FAF1: variants seen among roughly 807,000 people sequenced by gnomAD.
FAF1 encodes FAS-associated factor 1.
In FAF1, 25 loss-of-function variants were observed where a neutral mutation model predicts 92.5. The observed-to-expected ratio is 0.27, with a 90% CI of 0.20 to 0.38. FAF1 has a LOEUF of 0.38. FAF1 is among the 10% of genes least tolerant of loss of function. The pLI is 1.00. For synonymous variants in FAF1, 234 were observed against 273.2 expected, an observed-to-expected ratio of 0.86 and a Z score of 1.42; for missense variants, 636 against 793.3, an observed-to-expected ratio of 0.80 and a Z score of 2.38.
chr1:50,644,523 T>C (rs1443084430), intron 8 of FAF1, among the ~76,000 whole-genome samples: 1 of 152,236 alleles, frequency 6.6e-6, no homozygotes, highest in Non-Finnish European at 1.5e-5. Context: ...TCTCTGCTGG[T>C]AGTCTGCTTT....
At chr1:50,559,894 G>A (rs1282583998) in intron 13 of FAF1, among the ~76,000 whole-genome samples, 2 of 152,174 alleles carry the variant, frequency 1.3e-5, no homozygotes, top group African/African-American at 4.8e-5. Flanking sequence ...GTACTGGAAG[G>A]AAAATGTTGC....
intron 6 of FAF1, among the ~76,000 whole-genome samples, chr1:50,722,604 G>A (rs535430822): frequency 1.1e-4 from 16 of 146,878 alleles, no homozygotes; most frequent in Non-Finnish European, 1.8e-4. Flanking sequence ...AGCTGAGATC[G>A]CGCCACTGCA....
chr1:50,535,863 A>T (rs1355163448), intron 14 of FAF1, among the ~76,000 whole-genome samples: 3 of 152,208 alleles, frequency 2.0e-5, no homozygotes, highest in African/African-American at 7.2e-5. Context: ...TTTAATCTGT[A>T]CAACAAATCT....
chr1:50,558,472 T>A (rs776093728), intron 13 of FAF1, among the ~76,000 whole-genome samples: 1 of 152,112 alleles, frequency 6.6e-6, no homozygotes, highest in African/African-American at 2.4e-5. Flanking sequence ...TCAAACTTCA[T>A]CTTGAGACAG....
At chr1:50,547,333 T>C (rs1417995382) in intron 13 of FAF1, among the ~76,000 whole-genome samples, 2 of 152,136 alleles carry the variant, frequency 1.3e-5, no homozygotes, top group East Asian at 3.8e-4. Context: ...AAAAAGCATA[T>C]CTCATCTGCC....
intron 8 of FAF1, among the ~76,000 whole-genome samples, chr1:50,642,311 A>G (rs1392101491): frequency 6.6e-6 from 1 of 151,652 alleles, no homozygotes; most frequent in Admixed American, 6.6e-5. Flanking sequence ...ATGCTTGTTT[A>G]GTGGAAGAAT....
chr1:50,652,554 T>G (rs2124285228), intron 8 of FAF1, among the ~76,000 whole-genome samples: 1 of 152,358 alleles, frequency 6.6e-6, no homozygotes, highest in East Asian at 1.9e-4. Context: ...CTCTATTATC[T>G]TATGTCCCTG....
At chr1:50,517,648 C>G (rs1647268682) in intron 15 of FAF1, among the ~76,000 whole-genome samples, 2 of 152,190 alleles carry the variant, frequency 1.3e-5, no homozygotes, top group South Asian at 4.1e-4. Flanking sequence ...ATTTTGAGAA[C>G]TCCCACACCA....
intron 6 of FAF1, among the ~76,000 whole-genome samples, chr1:50,726,111 C>A (rs1658639324): frequency 6.6e-6 from 1 of 151,920 alleles, no homozygotes; most frequent in Admixed American, 6.6e-5. Flanking sequence ...AAATAGTTAG[C>A]CAGGCACAGT....
rs376339499 is a variant in FAF1, at chr1:50,946,786, G to C, written c.45+12981C>G. ...ATTTCCTATAGGGCAACACAAAATA[G>C]ACCAAGTGATACCTGCACATGCAGT... On this transcript the variant is annotated intron_variant, in intron 1 of 18. Transcript: ENST00000396153. Among the ~76,000 whole-genome samples the C allele has an allele frequency of 6.6e-5, 10 of 152,314 alleles. No individual in the cohort carries two copies. In the East Asian group the frequency reaches 1.5e-3, roughly 23 times the overall value.
chr1:50,943,588 G>T (rs1417039828), intron 1 of FAF1, among the ~76,000 whole-genome samples: 1 of 152,114 alleles, frequency 6.6e-6, no homozygotes, highest in Non-Finnish European at 1.5e-5. Flanking sequence ...AGTCAGGAAT[G>T]AATTTTGCAC....
At chr1:50,652,423 CT>C (rs1250656730) in intron 8 of FAF1, among the ~76,000 whole-genome samples, 2 of 152,212 alleles carry the variant, frequency 1.3e-5, no homozygotes, top group Non-Finnish European at 2.9e-5. Flanking sequence ...ATTTCATCGA[CT>C]TTGCCTATCA....
At chr1:50,496,045 CA>C (rs141225922) in intron 15 of FAF1, among the ~76,000 whole-genome samples, 18 of 148,756 alleles carry the variant, frequency 1.2e-4, no homozygotes, top group Middle Eastern at 3.4e-3. Context: ...AGAATTTAAC[CA>C]AAAAAAAAGA....
intron 1 of FAF1, among the ~76,000 whole-genome samples, chr1:50,889,487 C>A (rs545353833): frequency 6.6e-6 from 1 of 152,140 alleles, no homozygotes; most frequent in African/African-American, 2.4e-5. Context: ...TTCCTGCTTT[C>A]TCTTGTGGGC....
chr1:50,756,082 C>T (rs557824451), intron 4 of FAF1, among the ~76,000 whole-genome samples: 1 of 152,220 alleles, frequency 6.6e-6, no homozygotes. Flanking sequence ...CAAATTTCTG[C>T]AGCTGGCTTA....
intron 12 of FAF1, among the ~76,000 whole-genome samples, chr1:50,574,186 G>T (rs1258336471): frequency 3.3e-5 from 5 of 152,234 alleles, no homozygotes; most frequent in Non-Finnish European, 5.9e-5. Flanking sequence ...TGTTCATTGG[G>T]TATAGATCTT....
intron 13 of FAF1, among the ~76,000 whole-genome samples, chr1:50,547,399 G>A (rs1027373070): frequency 7.3e-5 from 11 of 150,784 alleles, no homozygotes; most frequent in African/African-American, 2.7e-4. Flanking sequence ...AGTAGTCAGA[G>A]TTTTAAAAAG....
intron 1 of FAF1, among the ~76,000 whole-genome samples, chr1:50,904,856 T>C (rs1644823015): frequency 6.6e-6 from 1 of 152,174 alleles, no homozygotes; most frequent in Non-Finnish European, 1.5e-5. Flanking sequence ...TTAAGCCATC[T>C]GAATAATATT....
chr1:50,570,450 G>T (rs1336945672), intron 12 of FAF1, among the ~76,000 whole-genome samples: 1 of 151,964 alleles, frequency 6.6e-6, no homozygotes, highest in Non-Finnish European at 1.5e-5. Flanking sequence ...AGAGAAAAAA[G>T]ACTCTGGAGA....
Sources: gnomAD v4.1 joint callset for allele counts (sites outside exome capture counted in the v4.1 genomes callset) on GRCh38, gnomAD v4.1.1 for gene constraint, MANE v1.5 for transcripts, NCBI Gene and HGNC (gene_info 2026-07-23, HGNC 2026-07-21) for gene names.